CLSTN2: variants seen among roughly 807,000 people sequenced by gnomAD.
CLSTN2 encodes calsyntenin-2.
CLSTN2 carries 48 observed loss-of-function variants against 101.2 expected under a neutral mutation model. That is an observed-to-expected ratio of 0.47 (90% CI 0.38 to 0.60). The LOEUF is 0.60. CLSTN2 is among the 20% of genes least tolerant of loss of function. The pLI is 0.00. For missense variants in CLSTN2, 1,160 were observed against 1,238.2 expected, an observed-to-expected ratio of 0.94 and a Z score of 0.95; for synonymous variants, 481 against 463.6, an observed-to-expected ratio of 1.04 and a Z score of -0.48.
intron 2 of CLSTN2, among the ~76,000 whole-genome samples, chr3:140,254,085 A>G (rs2086585424): frequency 6.6e-6 from 1 of 152,220 alleles, no homozygotes; most frequent in Non-Finnish European, 1.5e-5. Context: ...ATAATAACAT[A>G]GGAAGGAGAG....
At chr3:140,491,604 T>C (rs1252559582) in intron 8 of CLSTN2, among the ~76,000 whole-genome samples, 1 of 152,220 alleles carries the variant, frequency 6.6e-6, no homozygotes, top group African/African-American at 2.4e-5. Flanking sequence ...GGCAGATTGC[T>C]TGAGTCCAGA....
intron 5 of CLSTN2, among the ~76,000 whole-genome samples, chr3:140,436,023 G>T (rs1228802394): frequency 1.3e-5 from 2 of 152,126 alleles, no homozygotes; most frequent in Non-Finnish European, 2.9e-5. Flanking sequence ...TCTGTGAGTT[G>T]TCTCTTCACT....
At chr3:140,050,815 A>G (rs2007975657) in intron 1 of CLSTN2, among the ~76,000 whole-genome samples, 1 of 152,192 alleles carries the variant, frequency 6.6e-6, no homozygotes, top group Admixed American at 6.5e-5. Context: ...GCAAGTTCAC[A>G]TGCTTTTGGT....
intron 1 of CLSTN2, among the ~76,000 whole-genome samples, chr3:140,127,097 T>C (rs1177737591): frequency 2.6e-5 from 4 of 152,080 alleles, no homozygotes; most frequent in Non-Finnish European, 5.9e-5. Flanking sequence ...ACTTGCATAC[T>C]AGAATACTTT....
chr3:140,065,492 T>C (rs2008284277), intron 1 of CLSTN2, among the ~76,000 whole-genome samples: 1 of 152,252 alleles, frequency 6.6e-6, no homozygotes, highest in Non-Finnish European at 1.5e-5. Context: ...AGTTGATTTA[T>C]ACAAAGCTAT....
At chr3:140,473,867 C>T (rs1354432326) in intron 8 of CLSTN2, among the ~76,000 whole-genome samples, 3 of 152,080 alleles carry the variant, frequency 2.0e-5, no homozygotes, top group Admixed American at 1.3e-4. Flanking sequence ...ACGCAATTCT[C>T]CTGCCTCAGC....
chr3:140,317,193 A>G (rs1301745369), intron 2 of CLSTN2, among the ~76,000 whole-genome samples: 1 of 152,196 alleles, frequency 6.6e-6, no homozygotes, highest in Non-Finnish European at 1.5e-5. Context: ...ATACCAAAGA[A>G]GTGTTGAGTG....
At chr3:140,189,823 T>C (rs2010534512) in intron 2 of CLSTN2, among the ~76,000 whole-genome samples, 1 of 152,160 alleles carries the variant, frequency 6.6e-6, no homozygotes, top group African/African-American at 2.4e-5. Flanking sequence ...TTTCCTCCAT[T>C]GAATTGCACC....
intron 2 of CLSTN2, among the ~76,000 whole-genome samples, chr3:140,190,982 T>C (rs1349875134): frequency 6.6e-6 from 1 of 152,114 alleles, no homozygotes; most frequent in Non-Finnish European, 1.5e-5. Flanking sequence ...AAGATATCCT[T>C]GCCTTGTTCC....
intron 7 of CLSTN2, among the ~76,000 whole-genome samples, chr3:140,464,827 G>A (rs1014840422): frequency 2.6e-4 from 40 of 152,128 alleles, no homozygotes; most frequent in African/African-American, 6.0e-4. Flanking sequence ...CAATCCAGAC[G>A]CTAAAAATGG....
chr3:140,333,370 A>G (rs2107930785), intron 2 of CLSTN2, among the ~76,000 whole-genome samples: 1 of 152,232 alleles, frequency 6.6e-6, no homozygotes, highest in Middle Eastern at 3.4e-3. Flanking sequence ...GTCTCTCTGT[A>G]AAAGGGATGA....
At chr3:140,333,118 G>T (rs1388923296) in intron 2 of CLSTN2, among the ~76,000 whole-genome samples, 3 of 152,158 alleles carry the variant, frequency 2.0e-5, no homozygotes, top group Non-Finnish European at 4.4e-5. Flanking sequence ...ATGTTGGATT[G>T]CTCCTCTCCT....
At chr3:140,149,015 C>A (rs1226035374) in intron 1 of CLSTN2, among the ~76,000 whole-genome samples, 1 of 152,068 alleles carries the variant, frequency 6.6e-6, no homozygotes, top group Non-Finnish European at 1.5e-5. Flanking sequence ...CTGGGCAATC[C>A]TAAAAGACCA....
chr3:140,040,332 A>G (rs550209372), intron 1 of CLSTN2, among the ~76,000 whole-genome samples: 1 of 151,980 alleles, frequency 6.6e-6, no homozygotes. Flanking sequence ...TTTAGTCAAC[A>G]CTCCTGGGGT....
intron 2 of CLSTN2, among the ~76,000 whole-genome samples, chr3:140,189,921 AT>A (rs1219341500): frequency 1.3e-5 from 2 of 152,162 alleles, no homozygotes; most frequent in Non-Finnish European, 2.9e-5. Flanking sequence ...TAAGCAACAA[AT>A]TTATTTCTCA....
At chr3:139,962,423 C>T (rs1220204133) in intron 1 of CLSTN2, among the ~76,000 whole-genome samples, 1 of 152,070 alleles carries the variant, frequency 6.6e-6, no homozygotes, top group Admixed American at 6.6e-5. Flanking sequence ...CTTTTGTAAT[C>T]CCTCCCTGCT....
chr3:140,550,630 G>A (rs1935683516), intron 10 of CLSTN2, among the ~76,000 whole-genome samples: 1 of 152,056 alleles, frequency 6.6e-6, no homozygotes, highest in East Asian at 1.9e-4. Flanking sequence ...CAGGGTACTA[G>A]GCCCCATAGA....
intron 2 of CLSTN2, among the ~76,000 whole-genome samples, chr3:140,376,730 T>C (rs1280802700): frequency 6.6e-6 from 1 of 152,228 alleles, no homozygotes; most frequent in African/African-American, 2.4e-5. Context: ...AGGAGAGCAG[T>C]ATCTACATTT....
intron 2 of CLSTN2, among the ~76,000 whole-genome samples, chr3:140,206,365 T>C (rs1412285624): frequency 9.9e-5 from 15 of 152,064 alleles, no homozygotes. Flanking sequence ...TCCCCTAGCT[T>C]GAGGGCAGAG....
Sources: gnomAD v4.1 joint callset for allele counts (sites outside exome capture counted in the v4.1 genomes callset) on GRCh38, gnomAD v4.1.1 for gene constraint, MANE v1.5 for transcripts, NCBI Gene and HGNC (gene_info 2026-07-23, HGNC 2026-07-21) for gene names.